Variants in DMD observed in about 807,000 individuals in gnomAD.
DMD encodes the protein mutant dystrophin.
A neutral mutation model predicts 330.1 loss-of-function variants in DMD; 63 were observed. That is an observed-to-expected ratio of 0.19 (90% CI 0.16 to 0.24). The LOEUF (loss-of-function observed/expected upper bound fraction) is 0.24, where lower values mean the gene tolerates loss of function less well. DMD is among the 10% of genes least tolerant of loss of function. The pLI is 1.00. For synonymous variants in DMD, 1,223 were observed against 959.8 expected (o/e 1.27, Z -5.07); for missense variants, 3,344 against 2,684.1 (o/e 1.25, Z -5.43).
chrX:32,934,805 T>C, intron 2 of DMD, among the ~76,000 whole-genome samples: 1 of 112,554 alleles, frequency 8.9e-6, no homozygotes, highest in Admixed American at 9.3e-5. Flanking sequence ...TTAACTACCA[T>C]CCAGAATCTG....
intron 6 of DMD, among the ~76,000 whole-genome samples, chrX:32,813,608 A>C (rs543664556): frequency 8.9e-6 from 1 of 111,990 alleles, no homozygotes; most frequent in African/African-American, 3.2e-5. Flanking sequence ...AATGTTAATT[A>C]CATTTATATA....
intron 1 of DMD, among the ~76,000 whole-genome samples, chrX:33,259,906 T>C (rs1434603558): frequency 9.0e-6 from 1 of 110,847 alleles, no homozygotes; most frequent in Non-Finnish European, 1.9e-5. Flanking sequence ...ATAGCTCATT[T>C]CAAAGGTCCT....
intron 17 of DMD, among the ~76,000 whole-genome samples, chrX:32,541,229 C>G (rs2048450160): frequency 9.0e-6 from 1 of 110,634 alleles, no homozygotes; most frequent in South Asian, 3.8e-4. Flanking sequence ...GGAATTTTTC[C>G]CTGTCGATAA....
At chrX:32,082,365 G>A (rs1338450271) in intron 44 of DMD, among the ~76,000 whole-genome samples, 3 of 108,771 alleles carry the variant, frequency 2.8e-5, no homozygotes, top group Non-Finnish European at 5.7e-5. Flanking sequence ...AGTAGCTGGG[G>A]CTACAGGGGC....
At chrX:32,916,785 G>C (rs937547734) in intron 2 of DMD, among the ~76,000 whole-genome samples, 1 of 111,279 alleles carries the variant, frequency 9.0e-6, no homozygotes, top group South Asian at 3.8e-4. Flanking sequence ...TTTAGCAAGT[G>C]TTCTGATGAG....
At chrX:32,126,807 T>C (rs1478387643) in intron 44 of DMD, among the ~76,000 whole-genome samples, 1 of 111,626 alleles carries the variant, frequency 9.0e-6, no homozygotes, top group Non-Finnish European at 1.9e-5. Flanking sequence ...GATCTTGAGG[T>C]AAATGCTAAA....
At chrX:31,666,063 AGTC>A (rs2148661689) in intron 53 of DMD, among the ~76,000 whole-genome samples, 1 of 112,020 alleles carries the variant, frequency 8.9e-6, no homozygotes, top group East Asian at 2.8e-4. Context: ...ATCTGAGAAA[AGTC>A]AGTTGAGAGG....
At chrX:32,574,425 A>G (rs906028445) in intron 13 of DMD, among the ~76,000 whole-genome samples, 3 of 112,085 alleles carry the variant, frequency 2.7e-5, no homozygotes, top group Non-Finnish European at 5.6e-5. Context: ...ACAATCTCTG[A>G]GTAAAAACTA....
At chrX:31,754,059 C>T (rs184085691) in intron 51 of DMD, among the ~76,000 whole-genome samples, 1 of 111,661 alleles carries the variant, frequency 9.0e-6, no homozygotes, top group East Asian at 2.8e-4. Flanking sequence ...CATGGCTGTA[C>T]TAATCCACAC....
chrX:31,921,109 TA>T (rs1355898464), intron 47 of DMD, among the ~76,000 whole-genome samples: 2 of 111,170 alleles, frequency 1.8e-5, no homozygotes, highest in Non-Finnish European at 3.8e-5. Flanking sequence ...AAAATAAAGG[TA>T]GGGGGAAGGG....
At chrX:32,507,211 T>A (rs181761625) in intron 18 of DMD, among the ~76,000 whole-genome samples, 4 of 111,593 alleles carry the variant, frequency 3.6e-5, no homozygotes, top group Admixed American at 2.9e-4. Flanking sequence ...AAAAAATATA[T>A]ACCACAATAC....
chrX:31,693,335 G>A (rs189878652), intron 52 of DMD, among the ~76,000 whole-genome samples: 5 of 111,525 alleles, frequency 4.5e-5, no homozygotes, highest in Middle Eastern at 4.6e-3. Context: ...ACAGTAAAAC[G>A]TAGAAGGCTT....
At chrX:32,509,210 G>T (rs1453767085) in intron 18 of DMD, among the ~76,000 whole-genome samples, 1 of 102,981 alleles carries the variant, frequency 9.7e-6, no homozygotes, top group Non-Finnish European at 2.0e-5. Context: ...AAAAAAAAAG[G>T]TTAAGTAAAT....
At chrX:32,362,268 C>T (rs113578276) in intron 37 of DMD, among the ~76,000 whole-genome samples, 2,476 of 87,489 alleles carry the variant, frequency 0.028, 63 homozygotes, top group African/African-American at 0.097. Context: ...AACAAACACA[C>T]TTGCACAACC....
At chrX:32,344,240 G>A (rs1427229026) in intron 39 of DMD, among the ~76,000 whole-genome samples, 4 of 111,448 alleles carry the variant, frequency 3.6e-5, no homozygotes, top group South Asian at 3.7e-4. Flanking sequence ...TAATTCGAGC[G>A]AAAAAATAAT....
At chrX:32,590,462 A>C in intron 13 of DMD, among the ~76,000 whole-genome samples, 1 of 111,838 alleles carries the variant, frequency 8.9e-6, no homozygotes, top group Non-Finnish European at 1.9e-5. Context: ...TAGCCAAAGA[A>C]GGCTGACATG....
intron 2 of DMD, among the ~76,000 whole-genome samples, chrX:32,892,685 C>A (rs1056024629): frequency 8.9e-6 from 1 of 112,064 alleles, no homozygotes; most frequent in Non-Finnish European, 1.9e-5. Flanking sequence ...GCGTGAGCCA[C>A]CCGGCCTCTA....
intron 55 of DMD, among the ~76,000 whole-genome samples, chrX:31,582,526 G>A (rs984756993): frequency 8.0e-5 from 9 of 112,092 alleles, no homozygotes; most frequent in African/African-American, 2.9e-4. Context: ...CTCTGGCTGA[G>A]GAAGTGATGC....
At chrX:32,164,317 A>G (rs964533861) in intron 44 of DMD, among the ~76,000 whole-genome samples, 17 of 112,017 alleles carry the variant, frequency 1.5e-4, no homozygotes, top group Admixed American at 3.8e-4. Context: ...GGAACTTCCT[A>G]GAGACTTGTT....
Sources: allele counts gnomAD v4.1 joint callset (sites outside exome capture counted in the v4.1 genomes callset), GRCh38; gene constraint gnomAD v4.1.1; transcripts MANE v1.5; gene names NCBI Gene and HGNC (gene_info 2026-07-23, HGNC 2026-07-21).